The following USP24 variants were observed in gnomAD, a reference collection of about 807,000 sequenced individuals.
USP24 encodes ubiquitin specific peptidase 24.
Under a neutral mutation model 361.6 loss-of-function variants are expected in USP24, and 97 were observed. That is an observed-to-expected ratio of 0.27 (90% CI 0.23 to 0.32). The LOEUF is 0.32. Ranked by LOEUF, USP24 falls within the 10% of genes least tolerant of loss-of-function variation. The probability of loss-of-function intolerance (pLI) is 1.00; values close to 1 mark genes in which losing one functional copy is unlikely to be tolerated. For synonymous variants in USP24, 1,098 were observed against 1,124.6 expected, an observed-to-expected ratio of 0.98 and a Z score of 0.47; for missense variants, 2,353 against 3,165.6, an observed-to-expected ratio of 0.74 and a Z score of 6.16.
At chr1:55,123,649 T>G (rs753286062) in intron 35 of USP24, 47 bp from the exon 36 acceptor site, 143 of 1,497,494 alleles carry the variant, frequency 9.5e-5, no homozygotes, top group Non-Finnish European at 1.2e-4. Context: ...ACAGGAACTA[T>G]GCAATATTTT....
intron 32 of USP24, among the ~76,000 whole-genome samples, chr1:55,126,650 G>T (rs1236307450): frequency 6.6e-6 from 1 of 152,240 alleles, no homozygotes; most frequent in Non-Finnish European, 1.5e-5. Context: ...TGTGAAAGGA[G>T]TTTGTACTAA....
intron 23 of USP24, among the ~76,000 whole-genome samples, chr1:55,142,302 T>C (rs1337984161): frequency 6.6e-6 from 1 of 152,178 alleles, no homozygotes. Flanking sequence ...AGACAACCAA[T>C]ACCACCTACT....
intron 45 of USP24, among the ~76,000 whole-genome samples, chr1:55,098,770 T>G (rs1645556512): frequency 6.6e-6 from 1 of 152,124 alleles, no homozygotes; most frequent in Non-Finnish European, 1.5e-5. Context: ...ATGGGTCAGG[T>G]AGAGCTAATG....
intron 31 of USP24, among the ~76,000 whole-genome samples, chr1:55,131,155 A>T (rs1269635029): frequency 6.6e-6 from 1 of 152,194 alleles, no homozygotes; most frequent in Admixed American, 6.5e-5. Flanking sequence ...GAATCACAAG[A>T]TGCAAATTCT....
rs780258885 is a variant in USP24, at chr1:55,078,569, T to C, written c.7283A>G (p.His2428Arg). The C allele has an allele frequency of 6.2e-7, 1 of 1,611,858 alleles. No individual in the cohort carries two copies. The highest frequency in any genetic ancestry group is 8.5e-7 in the Non-Finnish European group (1 of 1,179,240). The change falls in exon 61 of 68, where the codon CAT (histidine) becomes CGT (arginine). Residue 2428 changes from histidine (H) to arginine (R), a missense_variant. His to Arg is a conservative substitution (Grantham distance 29). Coordinates refer to ENST00000294383, the MANE Select transcript of USP24 (RefSeq NM_015306.3). ...GAAATGCAGCATTGTGAAGGAAAAA[T>C]GCTCATTACAGAAACAGCAGTACAC... The part of the protein sequence containing the change: ...MVVYCCFCNE[H>R]FSFTMLHFIK...
intron 55 of USP24, among the ~76,000 whole-genome samples, chr1:55,086,950 T>C (rs1645263914): frequency 1.3e-5 from 2 of 152,202 alleles, no homozygotes; most frequent in South Asian, 4.1e-4. Flanking sequence ...AAAGTATCCT[T>C]CATGTTAGTA....
intron 60 of USP24, among the ~76,000 whole-genome samples, chr1:55,079,017 A>G (rs1385835477): frequency 6.6e-6 from 1 of 151,976 alleles, no homozygotes; most frequent in East Asian, 1.9e-4. Flanking sequence ...CCAGAATTAT[A>G]TTGTTCATAG....
intron 63 of USP24, among the ~76,000 whole-genome samples, chr1:55,074,617 A>G (rs1644986477): frequency 6.6e-6 from 1 of 151,080 alleles, no homozygotes; most frequent in Non-Finnish European, 1.5e-5. Flanking sequence ...CTGGAAGACA[A>G]AGTGAGACCC....
chr1:55,154,846 C>T (rs1647465575), intron 12 of USP24, 68 bp from the exon 13 acceptor site: 1 of 1,224,242 alleles, frequency 8.2e-7, no homozygotes, highest in African/African-American at 1.5e-5. Flanking sequence ...TTCCCCCTGG[C>T]AACTTACAGA....
intron 55 of USP24, 151 bp downstream of exon 55, chr1:55,089,476 A>G: frequency 1.6e-6 from 1 of 608,170 alleles, no homozygotes; most frequent in Non-Finnish European, 2.9e-6. Context: ...GACCTGAATT[A>G]TTTCCTCACT....
chr1:55,159,880 G>T (rs1216829451), intron 8 of USP24, among the ~76,000 whole-genome samples, 195 bp from the exon 9 acceptor site: 1 of 152,154 alleles, frequency 6.6e-6, no homozygotes, highest in Non-Finnish European at 1.5e-5. Flanking sequence ...AGGTGCCTCA[G>T]CTTCTTTACT....
intron 60 of USP24, 106 bp from the exon 61 acceptor site, chr1:55,078,757 C>T: frequency 1.3e-6 from 1 of 795,442 alleles, no homozygotes; most frequent in East Asian, 2.9e-5. Flanking sequence ...AGATAATTAA[C>T]ACTGCCTGAA....
intron 19 of USP24, 37 bp downstream of exon 19, chr1:55,146,892 T>C: frequency 1.2e-6 from 2 of 1,606,736 alleles, no homozygotes; most frequent in Non-Finnish European, 1.7e-6. Context: ...TATTTAAATA[T>C]TTCTGCCTTA....
rs778629896 is a variant in USP24 at position 55,147,760 on chromosome 1, C to T, written c.2007G>A (p.Val669=). The part of the protein sequence containing the change: ...IQDLKKNFEI[V]KLVTGSLIAC... ...CGATCAAACTTCCCGTTACCAATTT[C>T]ACTATTTCAAAATTCTTCTTCAAGT... is the stretch of plus-strand genomic sequence containing the variant. Residue 669 remains valine (V), a synonymous_variant, in exon 18 of 68, where the codon GTG becomes GTA. Transcript: ENST00000294383. 24 of 1,612,528 alleles carry T rather than the reference C, an allele frequency of 1.5e-5. No individual in the cohort carries two copies. The Middle Eastern group carries it at 6.6e-4, about 44-fold the overall frequency.
intron 60 of USP24, 40 bp downstream of exon 60, chr1:55,079,498 C>A: frequency 6.4e-7 from 1 of 1,554,412 alleles, no homozygotes; most frequent in African/African-American, 1.4e-5. Context: ...TTTCCTCAAA[C>A]AGGAGGGAAA....
chr1:55,137,839 C>A lies in USP24; in HGVS notation c.2994G>T (p.Val998=). ...WKIAKQLCSP[V]DNIQIFTNDS... ...CATTTGTAAATATCTGTATATTATC[C>A]ACAGGAGAGCACAACTGCTTGGCTA... The change falls in exon 27 of 68, where the codon GTG becomes GTT. Residue 998 remains valine (V), a synonymous_variant. Coordinates refer to ENST00000294383, the MANE Select transcript of USP24 (RefSeq NM_015306.3). 6.3e-7 allele frequency: 1 copy of A among 1,596,102 alleles called. No homozygotes were observed. The highest frequency in any genetic ancestry group is 1.3e-5 in the African/African-American group (1 of 74,490).
At chr1:55,142,027 A>G (rs1203578736) in intron 23 of USP24, among the ~76,000 whole-genome samples, 3 of 152,148 alleles carry the variant, frequency 2.0e-5, no homozygotes, top group Non-Finnish European at 4.4e-5. Flanking sequence ...GTATTCGAAT[A>G]CTTGAATTTT....
At chr1:55,128,408 C>T (rs1049799994) in intron 32 of USP24, among the ~76,000 whole-genome samples, 2 of 152,076 alleles carry the variant, frequency 1.3e-5, no homozygotes, top group Non-Finnish European at 2.9e-5. Flanking sequence ...CCAATGAGAC[C>T]CTTCTTGACA....
intron 11 of USP24, 35 bp from the exon 12 acceptor site, chr1:55,157,086 T>A (rs923059779): frequency 6.5e-7 from 1 of 1,531,338 alleles, no homozygotes; most frequent in Non-Finnish European, 9.0e-7. Context: ...AAGTCAGATA[T>A]AGTGAACACT....
Sources: gnomAD v4.1 joint callset for allele counts (sites outside exome capture counted in the v4.1 genomes callset) on GRCh38, gnomAD v4.1.1 for gene constraint, MANE v1.5 for transcripts, NCBI Gene and HGNC (gene_info 2026-07-23, HGNC 2026-07-21) for gene names.